The following ZNF568 variants were observed in gnomAD, a reference collection of about 807,000 sequenced individuals.
ZNF568 encodes zinc finger protein 568.
ZNF568 carries 11 observed loss-of-function variants against 18.1 expected under a neutral mutation model. The ratio of observed to expected loss-of-function variants is 0.61; its 90% CI spans 0.38 to 1.00. ZNF568 has a LOEUF of 1.00. Among genes scored for constraint, ZNF568 ranks in the 50% least tolerant of loss-of-function variants. The probability of loss-of-function intolerance (pLI) is 0.01; values close to 1 mark genes in which losing one functional copy is unlikely to be tolerated. For missense variants in ZNF568, 639 were observed against 768.2 expected (o/e 0.83, Z 1.99); for synonymous variants, 213 against 246.6 (o/e 0.86, Z 1.28).
chr19:36,972,836 G>T (rs1433435501), intron 6 of ZNF568, among the ~76,000 whole-genome samples: 1 of 152,222 alleles, frequency 6.6e-6, no homozygotes, highest in African/African-American at 2.4e-5. Flanking sequence ...CTCCGTTTGG[G>T]GCGAGGGCGG....
intron 7 of ZNF568, chr19:36,976,258 C>G (rs1160106765): frequency 1.3e-5 from 2 of 151,794 alleles, no homozygotes; most frequent in East Asian, 3.9e-4. Context: ...TGGGTTCATA[C>G]TACTAACAGA....
chr19:36,992,461 C>T (rs1180043076), intron 4 of ZNF568, among the ~76,000 whole-genome samples: 1 of 152,008 alleles, frequency 6.6e-6, no homozygotes, highest in Non-Finnish European at 1.5e-5. Context: ...AAGATCGCGC[C>T]ACTGCACTTC....
chr19:36,944,879 A>G (rs1040004874), intron 6 of ZNF568, among the ~76,000 whole-genome samples: 10 of 152,192 alleles, frequency 6.6e-5, no homozygotes, highest in Admixed American at 6.5e-4. Flanking sequence ...CTTCCTTAGA[A>G]TATATTCTAA....
chr19:36,943,913 G>C (rs2073922553), intron 6 of ZNF568, among the ~76,000 whole-genome samples: 1 of 152,096 alleles, frequency 6.6e-6, no homozygotes, highest in Non-Finnish European at 1.5e-5. Flanking sequence ...GAGCAAGAGG[G>C]ATCTTTAGTT....
At chr19:36,972,723 A>G (rs1322574632) in intron 6 of ZNF568, among the ~76,000 whole-genome samples, 1 of 152,146 alleles carries the variant, frequency 6.6e-6, no homozygotes, top group Non-Finnish European at 1.5e-5. Flanking sequence ...TCCACCCCAG[A>G]GCGCGGCTCC....
At chr19:36,944,816 TTACTAA>T (rs1488805975) in intron 6 of ZNF568, among the ~76,000 whole-genome samples, 24 of 152,172 alleles carry the variant, frequency 1.6e-4, no homozygotes, top group Non-Finnish European at 3.5e-4. Flanking sequence ...AATGCTAATA[TTACTAA>T]TAATAAAAAG....
At chr19:36,939,532 C>CTT (rs386388962) in intron 6 of ZNF568, among the ~76,000 whole-genome samples, 1,140 of 92,952 alleles carry the variant, frequency 0.012, 40 homozygotes, top group African/African-American at 0.022. Flanking sequence ...TATTTTCTTT[C>CTT]TTTTTTTTTT....
intron 2 of ZNF568, among the ~76,000 whole-genome samples, chr19:36,989,018 G>C (rs1026102875): frequency 5.9e-5 from 9 of 152,088 alleles, no homozygotes; most frequent in African/African-American, 2.2e-4. Context: ...CCCGTCTCTG[G>C]TAACTACTGT....
At chr19:36,949,422 T>G in intron 6 of ZNF568, 90 bp from the exon 7 acceptor site, 1 of 1,339,656 alleles carries the variant, frequency 7.5e-7, no homozygotes, top group Admixed American at 2.7e-5. Context: ...CATCAAAGAT[T>G]AAACCCCACA....
At chr19:36,957,643 T>C (rs2074117874), downstream of ZNF568, among the ~76,000 whole-genome samples, 2 of 152,150 alleles carry the variant, frequency 1.3e-5, no homozygotes, top group African/African-American at 2.4e-5. Context: ...GCAAGCTCTC[T>C]AGAAGTGGTC....
At position 36,949,768 on chromosome 19, in the gene ZNF568, T is replaced by A; in HGVS notation, c.615T>A (p.Asn205Lys). 1 of 1,613,984 alleles carries A rather than the reference T, an allele frequency of 6.2e-7. No homozygotes were observed. The change falls in exon 7 of 7, where the codon AAT (asparagine) becomes AAA (lysine). Residue 205 changes from asparagine (N) to lysine (K), a missense_variant. Coordinates refer to ENST00000333987, the MANE Select transcript of ZNF568 (RefSeq NM_198539.4). ...EKGCVREKQS[N>K]EFGKPFYHCA... ...GCTGTGTAAGAGAGAAACAGAGTAA[T>A]GAGTTTGGGAAACCATTTTACCATT...
rs1195776856 is a variant in ZNF568, at chr19:36,936,746, G to A, written c.136G>A (p.Glu46Lys). ...EEEEDTTRPL[E>K]TVTFKDVAVD... ...ATTAATTAGCATTATGTTTTTACAG[G>A]AAACAGTGACATTTAAGGATGTGGC... Residue 46 changes from glutamate to lysine, a missense_variant and splice_region_variant, in exon 5 of 7, where the codon GAA becomes AAA. Transcript: ENST00000333987. The A allele has an allele frequency of 5.6e-6, 9 of 1,610,552 alleles. No homozygotes were observed. The highest frequency in any genetic ancestry group is 1.3e-5 in the African/African-American group (1 of 74,780).
intron 2 of ZNF568, among the ~76,000 whole-genome samples, chr19:36,985,641 T>A (rs1453690520): frequency 6.6e-6 from 1 of 152,126 alleles, no homozygotes. Context: ...TTGTTTCTCA[T>A]TCTCCCAAGT....
At chr19:36,991,484 C>A in intron 3 of ZNF568, 1 of 801,130 alleles carries the variant, frequency 1.2e-6, no homozygotes, top group Non-Finnish European at 1.8e-6. Flanking sequence ...GCTGTTCCAG[C>A]AGGCACCTTT....
At chr19:36,996,820 C>G in exon 5 of ZNF568, 1 of 1,547,978 alleles carries the variant, frequency 6.5e-7, no homozygotes, top group Non-Finnish European at 8.7e-7. Flanking sequence ...GAAAGCCTTT[C>G]GTTCCAGCTC....
intron 6 of ZNF568, among the ~76,000 whole-genome samples, chr19:36,962,453 G>A (rs545960697): frequency 1.3e-5 from 2 of 150,436 alleles, no homozygotes; most frequent in African/African-American, 4.9e-5. Context: ...TGATTCCCGT[G>A]CCTCAGCCTC....
chr19:36,918,509 A>G (rs1050510602), intron 2 of ZNF568, among the ~76,000 whole-genome samples: 4 of 152,230 alleles, frequency 2.6e-5, no homozygotes, highest in Non-Finnish European at 4.4e-5. Context: ...CGTGTTCAGT[A>G]CAGACACAAC....
At chr19:36,939,106 T>G (rs959154212) in intron 6 of ZNF568, among the ~76,000 whole-genome samples, 1 of 152,230 alleles carries the variant, frequency 6.6e-6, no homozygotes, top group Non-Finnish European at 1.5e-5. Context: ...GGTTTTGTGT[T>G]GAGAGTTGGT....
At chr19:36,988,389 G>A (rs1412949418) in intron 2 of ZNF568, among the ~76,000 whole-genome samples, 2 of 152,178 alleles carry the variant, frequency 1.3e-5, no homozygotes, top group East Asian at 1.9e-4. Flanking sequence ...AGCTCCACAG[G>A]CTGTTCAGGA....
Sources: gnomAD v4.1 joint callset for allele counts (sites outside exome capture counted in the v4.1 genomes callset) on GRCh38, gnomAD v4.1.1 for gene constraint, MANE v1.5 for transcripts, NCBI Gene and HGNC (gene_info 2026-07-23, HGNC 2026-07-21) for gene names.